KRT8: variants seen among roughly 807,000 people sequenced by gnomAD.
The protein encoded by KRT8 is keratin, type II cytoskeletal 8.
In KRT8, 24 loss-of-function variants were observed where a neutral mutation model predicts 43.0. The observed-to-expected ratio is 0.56, with a 90% CI of 0.40 to 0.78. KRT8 has a LOEUF of 0.78. KRT8 is among the 30% of genes least tolerant of loss of function. The pLI, the probability that KRT8 is intolerant of heterozygous loss-of-function variation, is 0.00. For synonymous variants in KRT8, 214 were observed against 261.2 expected, an observed-to-expected ratio of 0.82 and a Z score of 1.74; for missense variants, 492 against 638.4, an observed-to-expected ratio of 0.77 and a Z score of 2.47.
intron 2 of KRT8, among the ~76,000 whole-genome samples, chr12:52,930,440 C>T (rs926470759): frequency 5.3e-5 from 8 of 152,168 alleles, no homozygotes; most frequent in African/African-American, 1.4e-4. Context: ...AGGCTGGTCT[C>T]GAACTCTCGA....
chr12:52,897,567 C>A, exon 8 of KRT8: 1 of 1,598,304 alleles, frequency 6.3e-7, no homozygotes, highest in Non-Finnish European at 8.5e-7. Context: ...GGAGCCCAGG[C>A]TGTAGCTGAG....
chr12:52,937,708 A>G (rs1339073629), intron 2 of KRT8, among the ~76,000 whole-genome samples: 8 of 149,922 alleles, frequency 5.3e-5, no homozygotes, highest in Non-Finnish European at 7.4e-5. Flanking sequence ...AAAAAGAAGA[A>G]GAAAACAGGC....
At chr12:52,910,723 G>A (rs968240241), upstream of KRT8, among the ~76,000 whole-genome samples, 16 of 152,174 alleles carry the variant, frequency 1.1e-4, no homozygotes, top group Non-Finnish European at 2.1e-4. Context: ...GAACAAACAG[G>A]AAGGACCTGG....
intron 2 of KRT8, chr12:52,949,216 T>C (rs753311520): frequency 6.2e-7 from 1 of 1,611,648 alleles, no homozygotes; most frequent in East Asian, 2.2e-5. Context: ...CAACTACCGG[T>C]CCCTGGGCTC....
intron 2 of KRT8, chr12:52,926,356 C>A: frequency 1.9e-6 from 2 of 1,062,094 alleles, no homozygotes; most frequent in Non-Finnish European, 2.7e-6. Context: ...ACCCCCAGGA[C>A]TGTGCCCTCC....
At chr12:52,937,142 G>A (rs527331625) in intron 2 of KRT8, among the ~76,000 whole-genome samples, 1 of 151,702 alleles carries the variant, frequency 6.6e-6, no homozygotes, top group Non-Finnish European at 1.5e-5. Context: ...AGGCTGAGGC[G>A]GGTGGACTGC....
chr12:52,904,995 G>A (rs1457555051), exon 1 of KRT8: 11 of 1,600,744 alleles, frequency 6.9e-6, no homozygotes, highest in East Asian at 2.2e-5. Flanking sequence ...AGAGGCAGGA[G>A]TGGAGGCAGG....
At position 52,918,200 on chromosome 12, in the gene KRT8, A is replaced by AAGAAGAAGAAGAAGAAGG. The variant is rs1565725675; in HGVS notation, c.-46-13174_-46-13173insCCTTCTTCTTCTTCTTCT. On this transcript the variant is annotated intron_variant, in intron 2 of 6. Coordinates refer to the KRT8 transcript ENST00000546826. ...GAAGAGGAAGAAGAAGAAGAAGAAG[A>AAGAAGAAGAAGAAGAAGG]AGAACAAGAAGAAGAAGAAGAAGAA... Among the ~76,000 whole-genome samples, 46 of 121,170 alleles carry AAGAAGAAGAAGAAGAAGG rather than the reference A, an allele frequency of 3.8e-4. 5 individuals are homozygous for AAGAAGAAGAAGAAGAAGG. The highest frequency in any genetic ancestry group is 6.1e-4 in the Non-Finnish European group (36 of 59,298). 79.5% of individuals were successfully genotyped at this position (121,170 alleles called of 152,430 possible).
intron 2 of KRT8, chr12:52,926,331 T>TTGCCC: frequency 1.4e-6 from 1 of 701,186 alleles, no homozygotes; most frequent in Non-Finnish European, 2.5e-6. Context: ...TGGCACTAGC[T>TTGCCC]GCCCTCCCCA....
chr12:52,938,168 A>ATT (rs1194326921), intron 2 of KRT8, among the ~76,000 whole-genome samples: 156 of 35,400 alleles, frequency 4.4e-3, no homozygotes, highest in African/African-American at 0.029. Context: ...ATATATATAT[A>ATT]TATTTTTTTT....
chr12:52,926,346 A>AGTTGCC, intron 2 of KRT8: 1 of 279,234 alleles, frequency 3.6e-6, no homozygotes, highest in Non-Finnish European at 6.5e-6. Flanking sequence ...TCCCCACCCC[A>AGTTGCC]CCCCCAGGAC....
chr12:52,907,611 T>C (rs1941548371), upstream of KRT8, among the ~76,000 whole-genome samples: 1 of 152,222 alleles, frequency 6.6e-6, no homozygotes, highest in Non-Finnish European at 1.5e-5. Flanking sequence ...GTATGCAGGC[T>C]GGAGGGCTGA....
At chr12:52,907,906 A>C (rs931408563), upstream of KRT8, among the ~76,000 whole-genome samples, 1 of 152,198 alleles carries the variant, frequency 6.6e-6, no homozygotes, top group Non-Finnish European at 1.5e-5. Context: ...GAGCAGGCCC[A>C]CAGGTACAAC....
chr12:52,901,158 C>T lies in KRT8; in HGVS notation c.594+1G>A. On this transcript the variant is annotated splice_donor_variant, in intron 3 of 7. Coordinates refer to ENST00000692008, the Ensembl canonical transcript of KRT8. LOFTEE classifies it high-confidence loss of function. ...AGATAGGAGAAGGGAGACTCCCTCACCTTCTTGATGAGGACAAATTCGTTC... is the reference window on the plus strand; with the variant it reads ...AGATAGGAGAAGGGAGACTCCCTCATCTTCTTGATGAGGACAAATTCGTTC... 4 of 1,602,864 alleles carry T rather than the reference C, an allele frequency of 2.5e-6. No homozygotes were observed. The highest frequency in any genetic ancestry group is 3.4e-6 in the Non-Finnish European group (4 of 1,169,880).
At chr12:52,937,700 A>AAG (rs551113516) in intron 2 of KRT8, among the ~76,000 whole-genome samples, 12 of 150,980 alleles carry the variant, frequency 7.9e-5, no homozygotes, top group African/African-American at 2.2e-4. Context: ...AAAAAAAAAA[A>AAG]AAGAAGAAGA....
chr12:52,898,347 C>T (rs1026548269), intron 7 of KRT8, 114 bp downstream of exon 7: 8 of 856,306 alleles, frequency 9.3e-6, no homozygotes, highest in Non-Finnish European at 1.5e-5. Context: ...CTCCCAAGAA[C>T]ATGAGTGCTC....
chr12:52,932,042 C>T (rs2120699689), intron 2 of KRT8, among the ~76,000 whole-genome samples: 1 of 152,178 alleles, frequency 6.6e-6, no homozygotes, highest in East Asian at 1.9e-4. Context: ...AGTAATCTGC[C>T]CGCCTCTGCT....
chr12:52,898,227 C>T (rs1311014912), intron 7 of KRT8, among the ~76,000 whole-genome samples: 1 of 152,172 alleles, frequency 6.6e-6, no homozygotes, highest in Non-Finnish European at 1.5e-5. Flanking sequence ...ATACTTAGCA[C>T]AGTGCCTGGC....
intron 4 of KRT8, 98 bp from the exon 5 acceptor site, chr12:52,900,163 AGAG>A: frequency 6.4e-6 from 8 of 1,256,238 alleles, no homozygotes; most frequent in Non-Finnish European, 5.6e-6. Context: ...CAGGGGCAGC[AGAG>A]GAGAGGAGCA....
Sources: allele counts gnomAD v4.1 joint callset (sites outside exome capture counted in the v4.1 genomes callset), GRCh38; gene constraint gnomAD v4.1.1; transcripts MANE v1.5; gene names NCBI Gene and HGNC (gene_info 2026-07-23, HGNC 2026-07-21).